Variants in XRN1 observed in about 807,000 individuals in gnomAD.
The protein encoded by XRN1 is 5'-3' exoribonuclease 1.
Under a neutral mutation model 222.3 loss-of-function variants are expected in XRN1, and 67 were observed. The observed-to-expected ratio is 0.30, with a 90% CI of 0.25 to 0.37. The LOEUF is 0.37. Among genes scored for constraint, XRN1 ranks in the 10% least tolerant of loss-of-function variants. XRN1 has a pLI of 1.00. For synonymous variants in XRN1, 643 were observed against 652.4 expected, an observed-to-expected ratio of 0.99 and a Z score of 0.22; for missense variants, 1,707 against 2,000.2, an observed-to-expected ratio of 0.85 and a Z score of 2.80.
chr3:142,411,924 G>A (rs1039741508), intron 15 of XRN1, among the ~76,000 whole-genome samples: 4 of 151,106 alleles, frequency 2.6e-5, no homozygotes, highest in Non-Finnish European at 5.9e-5. Context: ...GGGGGTTCAC[G>A]CCATTCTCCT....
intron 15 of XRN1, among the ~76,000 whole-genome samples, chr3:142,405,616 C>T (rs1194093439): frequency 6.6e-6 from 1 of 152,060 alleles, no homozygotes; most frequent in Non-Finnish European, 1.5e-5. Context: ...GATTCTATCA[C>T]TTTTGATAAA....
At chr3:142,312,801 T>A in intron 39 of XRN1, 43 bp from the exon 40 acceptor site, 2 of 1,550,670 alleles carry the variant, frequency 1.3e-6, no homozygotes, top group Middle Eastern at 1.7e-4. Context: ...TAAAATGGTA[T>A]CATCAAAGCT....
intron 37 of XRN1, among the ~76,000 whole-genome samples, chr3:142,321,650 T>G (rs2065359823): frequency 6.6e-6 from 1 of 152,224 alleles, no homozygotes; most frequent in Admixed American, 6.5e-5. Context: ...AGCAACATTT[T>G]GTAGTTTTCG....
At chr3:142,330,054 A>AT (rs1300238077) in intron 36 of XRN1, among the ~76,000 whole-genome samples, 1 of 152,230 alleles carries the variant, frequency 6.6e-6, no homozygotes, top group Non-Finnish European at 1.5e-5. Flanking sequence ...TAAGATAAAG[A>AT]TTTTAAAATA....
At chr3:142,336,345 A>G (rs1041326912) in intron 33 of XRN1, among the ~76,000 whole-genome samples, 2 of 152,100 alleles carry the variant, frequency 1.3e-5, no homozygotes, top group African/African-American at 4.8e-5. Flanking sequence ...TAGATCTACT[A>G]TAACTTATTT....
chr3:142,357,189 A>T, intron 30 of XRN1, 70 bp from the exon 31 acceptor site: 1 of 1,451,468 alleles, frequency 6.9e-7, no homozygotes, highest in Non-Finnish European at 9.4e-7. Context: ...AAAGTCAAAT[A>T]ATTTTTGGTG....
chr3:142,406,032 A>C (rs2068322766), intron 15 of XRN1, among the ~76,000 whole-genome samples: 1 of 152,158 alleles, frequency 6.6e-6, no homozygotes, highest in Admixed American at 6.5e-5. Flanking sequence ...AACTATTTCT[A>C]ATATATAAAG....
chr3:142,447,758 C>T lies in XRN1; in HGVS notation c.75+112G>A. ...CGTCCCCCTCCCTAATGCCACTAAT[C>T]GTCCAGACGACGAGGGGAAAGAGGT... On this transcript the variant is annotated intron_variant, in intron 1 of 40. Transcript: ENST00000392981. This position sits in a 1 kb window ranked among gnomAD's most constrained non-coding sequence, Gnocchi z 4.2. 1 of 1,257,530 alleles carries T rather than the reference C, an allele frequency of 8.0e-7. No homozygotes were observed. The highest frequency in any genetic ancestry group is 1.1e-6 in the Non-Finnish European group (1 of 893,392). 77.9% of individuals were successfully genotyped at this position (1,257,530 alleles called of 1,614,324 possible).
rs2068289679 is a variant in XRN1, at chr3:142,404,965, A to T, written c.1825T>A (p.Phe609Ile). ...TCTGGCCATGGAGAAGGATAGATAA[A>T]CTCTGTGTCTCTATCATACCAGCAC... ...LMCWYDRDTE[F>I]IYPSPWPEKF... is the part of the protein sequence containing the mutation. The change falls in exon 16 of 41, where the codon TTT becomes ATT. Residue 609 changes from phenylalanine to isoleucine, a missense_variant. Transcript: ENST00000392981. 1 of 1,613,810 alleles carries T rather than the reference A, an allele frequency of 6.2e-7. No individual in the cohort carries two copies. The highest frequency in any genetic ancestry group is 1.3e-5 in the African/African-American group (1 of 74,962).
At chr3:142,383,766 T>C (rs1385606074) in intron 21 of XRN1, among the ~76,000 whole-genome samples, 1 of 152,202 alleles carries the variant, frequency 6.6e-6, no homozygotes, top group Admixed American at 6.5e-5. Context: ...ACTTAATCAC[T>C]ACACTGTACT....
intron 2 of XRN1, among the ~76,000 whole-genome samples, chr3:142,427,574 A>G (rs1333645029): frequency 6.6e-6 from 1 of 152,210 alleles, no homozygotes; most frequent in Non-Finnish European, 1.5e-5. Context: ...TATCCCTAAG[A>G]TTATATAAAA....
intron 1 of XRN1, among the ~76,000 whole-genome samples, chr3:142,442,404 G>A (rs1463470310): frequency 6.6e-6 from 1 of 152,178 alleles, no homozygotes; most frequent in East Asian, 1.9e-4. Context: ...AGGACCCCTA[G>A]TATGGGGTAA....
chr3:142,364,384 T>C lies in XRN1; in HGVS notation c.3394+663A>G, dbSNP rs560225596. Among the ~76,000 whole-genome samples the C allele has an allele frequency of 2.0e-5, 3 of 152,258 alleles. No homozygotes were observed. The South Asian group carries it at 6.2e-4, about 32-fold the overall frequency. On this transcript the variant is annotated intron_variant, in intron 29 of 40. Transcript: ENST00000392981. ...TATAAAGCTGGTTATTCCAGGAATATCTTTGGGGGCACATTCAGATATTTA... is the reference window on the plus strand; with the variant it reads ...TATAAAGCTGGTTATTCCAGGAATACCTTTGGGGGCACATTCAGATATTTA...
rs765789585 is a variant in XRN1, at chr3:142,423,566, G to A, written c.704C>T (p.Thr235Ile). 1.3e-6 allele frequency: 2 copies of A among 1,599,932 alleles called. No individual in the cohort carries two copies. Among genetic ancestry groups the A allele is most frequent in the Non-Finnish European group, 1.7e-6 (2 of 1,175,266 alleles). The change falls in exon 6 of 41, where the codon ACA (threonine) becomes ATA (isoleucine). Residue 235 changes from threonine to isoleucine, a missense_variant. Thr to Ile is a moderately conservative substitution (Grantham distance 89). This residue lies in a region of XRN1 where 1,234 missense variants were observed against 1,518.2 expected (regional missense o/e 0.81). Coordinates refer to ENST00000392981, the MANE Select transcript of XRN1 (RefSeq NM_001282857.2). Reference sequence around the variant, plus strand: ...TATATGCTATATAATTTACCGTTGTGTTTTTTTGCCACCAAATCGAACTTC... The same window carrying A: ...TATATGCTATATAATTTACCGTTGTATTTTTTTGCCACCAAATCGAACTTC... The part of the protein sequence containing the change: ...REEVRFGGKK[T>I]QRVCAPEETT...
chr3:142,447,173 A>C lies in XRN1; in HGVS notation c.75+697T>G, dbSNP rs1164743422. ...GGGTCAGTACATGCCAAATATTATT[A>C]GTAGTATTAATGTTCTATCAATTCG... On this transcript the variant is annotated intron_variant, in intron 1 of 40. Coordinates refer to ENST00000392981, the MANE Select transcript of XRN1 (RefSeq NM_001282857.2). This position sits in a 1 kb window ranked among gnomAD's most constrained non-coding sequence, Gnocchi z 4.2. Among the ~76,000 whole-genome samples the C allele has an allele frequency of 6.6e-6, 1 of 152,194 alleles. No individual in the cohort carries two copies. The highest frequency in any genetic ancestry group is 1.5e-5 in the Non-Finnish European group (1 of 68,046).
rs916249172 is a variant in XRN1, at chr3:142,447,535, A to C, written c.75+335T>G. Among the ~76,000 whole-genome samples the C allele has an allele frequency of 2.0e-5, 3 of 152,196 alleles. No individual in the cohort carries two copies. ...TCCAGCTTCGCAGCCTCTGTAAGGAAAAAGGCAACTTGCAGCTCCCCGGGA... is the reference window on the plus strand; with the variant it reads ...TCCAGCTTCGCAGCCTCTGTAAGGACAAAGGCAACTTGCAGCTCCCCGGGA... On this transcript the variant is annotated intron_variant, in intron 1 of 40. Transcript: ENST00000392981. The surrounding 1 kb of genome is among the most constrained non-coding windows in gnomAD (Gnocchi z 4.2).
At chr3:142,387,317 G>T (rs2067542126) in intron 20 of XRN1, among the ~76,000 whole-genome samples, 1 of 152,278 alleles carries the variant, frequency 6.6e-6, no homozygotes, top group African/African-American at 2.4e-5. Context: ...CGTCACTGGG[G>T]GTGGGGAGGG....
rs1483395327 is a variant in XRN1 at position 142,332,399 on chromosome 3, G to C, written c.4198C>G (p.Gln1400Glu). The C allele has an allele frequency of 6.2e-7, 1 of 1,608,358 alleles. No homozygotes were observed. The highest frequency in any genetic ancestry group is 8.5e-7 in the Non-Finnish European group (1 of 1,176,580). Residue 1400 changes from glutamine to glutamate, a missense_variant, in exon 36 of 41, where the codon CAG (glutamine) becomes GAG (glutamate). This residue lies in a region of XRN1 where 473 missense variants were observed against 482.0 expected (regional missense o/e 0.98). Coordinates refer to ENST00000392981, the MANE Select transcript of XRN1 (RefSeq NM_001282857.2). ...CCTAATTTCTTATTTTGTTTAGGCT[G>C]AGAGGGTAATCCATATTCATCTCTT... ...NRRDEYGLPS[Q>E]PKQNKKLASY...
intron 1 of XRN1, among the ~76,000 whole-genome samples, chr3:142,443,743 A>G (rs1376973752): frequency 6.6e-6 from 1 of 152,276 alleles, no homozygotes; most frequent in East Asian, 1.9e-4. Context: ...ATATAACCCA[A>G]AGAGAGGAAA....
Sources: gnomAD v4.1 joint callset for allele counts (sites outside exome capture counted in the v4.1 genomes callset) on GRCh38, gnomAD v4.1.1 for gene constraint, gnomAD v4.1.1 regional missense constraint, Gnocchi (gnomAD v3.1) non-coding constraint, MANE v1.5 for transcripts, NCBI Gene and HGNC (gene_info 2026-07-23, HGNC 2026-07-21) for gene names.